Variants in ACADSB observed in about 807,000 individuals in gnomAD.
ACADSB encodes the protein short/branched chain specific acyl-CoA dehydrogenase, mitochondrial.
ACADSB carries 40 observed loss-of-function variants against 54.1 expected under a neutral mutation model. That is an observed-to-expected ratio of 0.74 (90% CI 0.57 to 0.96). The LOEUF is 0.96. ACADSB is among the 40% of genes least tolerant of loss of function. The pLI is 0.00. For synonymous variants in ACADSB, 182 were observed against 182.8 expected (o/e 1.00, Z 0.03); for missense variants, 530 against 510.4 (o/e 1.04, Z -0.37).
At chr10:123,044,364 G>C (rs777241218) in intron 6 of ACADSB, 29 bp from the exon 7 acceptor site, 1 of 1,532,910 alleles carries the variant, frequency 6.5e-7, no homozygotes, top group East Asian at 2.2e-5. Context: ...AAATGAAACT[G>C]AGAAATAAGT....
In ACADSB at chr10:123,009,687, C is replaced by T. The variant is rs575479764; in HGVS notation, c.42+616C>T. 2.0e-5 allele frequency among the ~76,000 whole-genome samples: 3 copies of T among 146,982 alleles called. No individual in the cohort carries two copies. The East Asian group carries it at 5.8e-4, about 29-fold the overall frequency. ...TAGACTCACCGCCGCCCAGGGGAGCCGGAGCCGGTGCCGGTCCCTCTTCCA... is the reference window on the plus strand; with the variant it reads ...TAGACTCACCGCCGCCCAGGGGAGCTGGAGCCGGTGCCGGTCCCTCTTCCA... On this transcript the variant is annotated intron_variant, in intron 1 of 10. Coordinates refer to ENST00000358776, the MANE Select transcript of ACADSB (RefSeq NM_001609.4).
intron 6 of ACADSB, among the ~76,000 whole-genome samples, chr10:123,044,156 CA>C (rs1223276997): frequency 3.9e-5 from 6 of 152,150 alleles, no homozygotes; most frequent in Non-Finnish European, 8.8e-5. Context: ...ACTCTAGATT[CA>C]CTCATCCATT....
At chr10:123,029,003 A>T (rs1162974765) in intron 1 of ACADSB, among the ~76,000 whole-genome samples, 2 of 152,298 alleles carry the variant, frequency 1.3e-5, no homozygotes, top group East Asian at 3.9e-4. Context: ...TTTGCTACAG[A>T]TTTGTTTTAA....
Position 123,043,109 on chromosome 10 carries a change from C to A in ACADSB, c.745C>A (p.Pro249Thr), listed in dbSNP as rs1222329400. ...TACTCCGGGCCTTCATATAGGGAAA[C>A]CTGAAAACAAATTGGGGCTCAGAGC... The part of the protein sequence containing the change: ...RDTPGLHIGK[P>T]ENKLGLRASS... The change falls in exon 6 of 11, where the codon CCT (proline) becomes ACT (threonine). Residue 249 changes from proline (P) to threonine (T), a missense_variant. Transcript: ENST00000358776. The A allele has an allele frequency of 3.7e-6, 6 of 1,613,798 alleles. No individual in the cohort carries two copies. Among genetic ancestry groups the A allele is most frequent in the South Asian group, 2.2e-5 (2 of 91,082 alleles).
chr10:123,013,787 G>A (rs959781364), intron 1 of ACADSB, among the ~76,000 whole-genome samples: 11 of 152,198 alleles, frequency 7.2e-5, no homozygotes, highest in African/African-American at 2.2e-4. Context: ...AGGGCCTGCC[G>A]GCCGCTCCGA....
At chr10:123,027,010 G>A (rs1589735541) in intron 1 of ACADSB, among the ~76,000 whole-genome samples, 1 of 152,120 alleles carries the variant, frequency 6.6e-6, no homozygotes, top group Non-Finnish European at 1.5e-5. Context: ...GAGAAGGGAT[G>A]TCATGGGGTA....
In ACADSB at chr10:123,054,653, T is replaced by C. The variant is rs1376170002; in HGVS notation, c.*888T>C. On this transcript the variant is annotated 3_prime_UTR_variant, in exon 11 of 11. Transcript: ENST00000358776. Reference sequence around the variant, plus strand: ...ATTGAAGAAAATATTATTTTAACAATGTAAAGCAATATGATTTGTTACTAT... The same window carrying C: ...ATTGAAGAAAATATTATTTTAACAACGTAAAGCAATATGATTTGTTACTAT... 1 of 152,238 alleles carries C rather than the reference T, an allele frequency of 6.6e-6. No individual in the cohort carries two copies. The highest frequency in any genetic ancestry group is 1.5e-5 in the Non-Finnish European group (1 of 68,042). The allele number at this position is 152,238 out of a possible 1,614,324, so 9.4% of individuals were successfully genotyped here.
chr10:123,037,804 C>T lies in ACADSB; in HGVS notation c.260C>T (p.Ser87Leu), dbSNP rs745481903. The change falls in exon 3 of 11, where the codon TCG becomes TTG. Residue 87 changes from serine to leucine, a missense_variant. Physicochemically the swap from Ser to Leu is moderately radical, Grantham distance 145. Transcript: ENST00000358776. ...TTGGTTTCAACCATGGATGAAAATTCGAAAATGGAGAAATCAGTAATACAA... is the reference window on the plus strand; with the variant it reads ...TTGGTTTCAACCATGGATGAAAATTTGAAAATGGAGAAATCAGTAATACAA... ...APLVSTMDEN[S>L]KMEKSVIQGL... 29 of 1,611,646 alleles carry T rather than the reference C, an allele frequency of 1.8e-5. No individual in the cohort carries two copies. In the East Asian group the frequency reaches 2.2e-4, roughly 12 times the overall value.
Position 123,052,583 on chromosome 10 carries a change from T to A in ACADSB, c.1129-478T>A, listed in dbSNP as rs1325423609. Among the ~76,000 whole-genome samples, 3 of 152,232 alleles carry A rather than the reference T, an allele frequency of 2.0e-5. No homozygotes were observed. Among genetic ancestry groups the A allele is most frequent in the Non-Finnish European group, 4.4e-5 (3 of 68,038 alleles). On this transcript the variant is annotated intron_variant, in intron 9 of 10. Coordinates refer to ENST00000358776, the MANE Select transcript of ACADSB (RefSeq NM_001609.4). The surrounding 1 kb of genome is among the most constrained non-coding windows in gnomAD (Gnocchi z 4.2). Reference sequence around the variant, plus strand: ...ATGGAAGGCAGCATATTCACAGCTCTGAGGGCTAGGATGTGGACGTCCTTG... The same window carrying A: ...ATGGAAGGCAGCATATTCACAGCTCAGAGGGCTAGGATGTGGACGTCCTTG...
At chr10:123,016,084 G>A (rs553075195) in intron 1 of ACADSB, among the ~76,000 whole-genome samples, 1 of 152,296 alleles carries the variant, frequency 6.6e-6, no homozygotes, top group African/African-American at 2.4e-5. Flanking sequence ...ACAGAAGAAA[G>A]GTAATTCTGT....
intron 1 of ACADSB, among the ~76,000 whole-genome samples, chr10:123,025,962 G>A (rs1456488627): frequency 6.6e-6 from 1 of 152,120 alleles, no homozygotes; most frequent in Non-Finnish European, 1.5e-5. Context: ...GCAGGAGGCT[G>A]AATCAGGAGA....
intron 8 of ACADSB, 94 bp from the exon 9 acceptor site, chr10:123,050,955 G>C (rs1850622868): frequency 7.5e-7 from 1 of 1,335,076 alleles, no homozygotes; most frequent in African/African-American, 1.5e-5. Context: ...TGTATTTTGA[G>C]TCTGTCAGTG....
At chr10:123,013,646 C>A (rs1291150350) in intron 1 of ACADSB, among the ~76,000 whole-genome samples, 1 of 152,234 alleles carries the variant, frequency 6.6e-6, no homozygotes, top group Non-Finnish European at 1.5e-5. Flanking sequence ...CCGGGGCCTG[C>A]CCCGCGGAGA....
Position 123,056,801 on chromosome 10 carries a change from G to C in ACADSB, c.*3036G>C, listed in dbSNP as rs1327512058. 6.6e-6 allele frequency: 1 copy of C among 152,392 alleles called. No individual in the cohort carries two copies. Among genetic ancestry groups the C allele is most frequent in the Non-Finnish European group, 1.5e-5 (1 of 68,020 alleles). 9.4% of individuals were successfully genotyped at this position (152,392 alleles called of 1,614,324 possible). ...GACTTTTCCAGAGTAATTTTGTTTTGCACATTCATGTTTATTGAAGTGGAC... is the reference window on the plus strand; with the variant it reads ...GACTTTTCCAGAGTAATTTTGTTTTCCACATTCATGTTTATTGAAGTGGAC... On this transcript the variant is annotated 3_prime_UTR_variant, in exon 11 of 11. Coordinates refer to ENST00000358776, the MANE Select transcript of ACADSB (RefSeq NM_001609.4).
chr10:123,015,795 T>TA (rs1850103166), intron 1 of ACADSB, among the ~76,000 whole-genome samples: 2 of 152,144 alleles, frequency 1.3e-5, no homozygotes, highest in South Asian at 4.1e-4. Context: ...GTTTACAAGA[T>TA]AAAACAGTCA....
chr10:123,026,489 A>G (rs1465386471), intron 1 of ACADSB, among the ~76,000 whole-genome samples: 1 of 152,046 alleles, frequency 6.6e-6, no homozygotes, highest in East Asian at 1.9e-4. Context: ...GATCTCCCTC[A>G]TTTCAGTTTA....
At chr10:123,010,437 T>A (rs1192849917) in intron 1 of ACADSB, among the ~76,000 whole-genome samples, 1 of 152,246 alleles carries the variant, frequency 6.6e-6, no homozygotes, top group Non-Finnish European at 1.5e-5. Flanking sequence ...TATAGTCCTT[T>A]ATAGTTTTTG....
intron 2 of ACADSB, among the ~76,000 whole-genome samples, chr10:123,035,341 T>C (rs1850384798): frequency 6.6e-6 from 1 of 152,198 alleles, no homozygotes; most frequent in Non-Finnish European, 1.5e-5. Context: ...GGAGCCCAAA[T>C]GAAGCAGAAG....
chr10:123,033,307 G>T (rs1850353484), intron 1 of ACADSB, among the ~76,000 whole-genome samples: 2 of 152,190 alleles, frequency 1.3e-5, no homozygotes, highest in Admixed American at 1.3e-4. Context: ...TAGGCACATA[G>T]TTGCAAAGAG....
Sources: gnomAD v4.1 joint callset for allele counts (sites outside exome capture counted in the v4.1 genomes callset) on GRCh38, gnomAD v4.1.1 for gene constraint, Gnocchi (gnomAD v3.1) non-coding constraint, MANE v1.5 for transcripts, NCBI Gene and HGNC (gene_info 2026-07-23, HGNC 2026-07-21) for gene names.